SND1: variants seen among roughly 807,000 people sequenced by gnomAD.
SND1 encodes the protein staphylococcal nuclease and tudor domain containing 1, also known as staphylococcal nuclease domain-containing protein 1.
A neutral mutation model predicts 121.7 loss-of-function variants in SND1; 38 were observed. That is an observed-to-expected ratio of 0.31 (90% CI 0.24 to 0.41). The LOEUF is 0.41. SND1 is among the 10% of genes least tolerant of loss of function. SND1 has a pLI of 1.00. For missense variants in SND1, 868 were observed against 1,184.6 expected, an observed-to-expected ratio of 0.73 and a Z score of 3.92; for synonymous variants, 401 against 447.4, an observed-to-expected ratio of 0.90 and a Z score of 1.31.
chr7:127,986,079 A>C (rs115648802), intron 15 of SND1, among the ~76,000 whole-genome samples: 3 of 152,298 alleles, frequency 2.0e-5, no homozygotes, highest in African/African-American at 7.2e-5. Context: ...GGAAAAAGTG[A>C]ACACATTCTG....
chr7:127,850,083 A>T (rs17151437), intron 12 of SND1, among the ~76,000 whole-genome samples: 1 of 152,194 alleles, frequency 6.6e-6, no homozygotes, highest in Admixed American at 6.5e-5. Flanking sequence ...CTTTGGTTCT[A>T]ATTTGCAGGG....
chr7:128,002,952 G>T (rs1409373223), intron 16 of SND1, among the ~76,000 whole-genome samples: 1 of 152,256 alleles, frequency 6.6e-6, no homozygotes, highest in Non-Finnish European at 1.5e-5. Context: ...GCTGGGCACA[G>T]TGGCTCACAC....
intron 10 of SND1, among the ~76,000 whole-genome samples, chr7:127,782,348 T>C (rs1260229979): frequency 6.6e-6 from 1 of 152,202 alleles, no homozygotes; most frequent in Non-Finnish European, 1.5e-5. Context: ...AAAGCAGTCC[T>C]GGGGTCCTGC....
At chr7:127,799,126 G>T (rs145041228) in intron 10 of SND1, among the ~76,000 whole-genome samples, 1 of 152,284 alleles carries the variant, frequency 6.6e-6, no homozygotes, top group Non-Finnish European at 1.5e-5. Context: ...TTGGTAGTCT[G>T]CATGGTTATA....
At chr7:127,676,050 T>G (rs932780844) in intron 1 of SND1, among the ~76,000 whole-genome samples, 15 of 152,214 alleles carry the variant, frequency 9.9e-5, no homozygotes, top group Non-Finnish European at 2.1e-4. Context: ...GCTACAGTCT[T>G]GATTGTGTTC....
chr7:127,711,253 A>G (rs774755227), intron 9 of SND1, among the ~76,000 whole-genome samples: 20 of 152,288 alleles, frequency 1.3e-4, no homozygotes, highest in African/African-American at 4.3e-4. Context: ...ATAATTTGCA[A>G]CTTTGTTTTA....
chr7:127,783,970 A>G (rs1416339085), intron 10 of SND1, among the ~76,000 whole-genome samples: 1 of 152,236 alleles, frequency 6.6e-6, no homozygotes, highest in African/African-American at 2.4e-5. Context: ...ATATTCATGG[A>G]TTAATGTTAC....
At chr7:127,787,562 A>G (rs908522318) in intron 10 of SND1, among the ~76,000 whole-genome samples, 5 of 152,138 alleles carry the variant, frequency 3.3e-5, no homozygotes, top group African/African-American at 1.2e-4. Flanking sequence ...GAATCTGTTG[A>G]TTTGTGTTGA....
At chr7:128,044,806 C>T (rs994661570) in intron 16 of SND1, among the ~76,000 whole-genome samples, 3 of 152,062 alleles carry the variant, frequency 2.0e-5, no homozygotes, top group Non-Finnish European at 4.4e-5. Context: ...CCAGATAGTT[C>T]ATATGGAGTA....
At chr7:127,675,468 A>G (rs999399456) in intron 1 of SND1, among the ~76,000 whole-genome samples, 1 of 152,168 alleles carries the variant, frequency 6.6e-6, no homozygotes, top group Non-Finnish European at 1.5e-5. Context: ...AATAATATGT[A>G]GTAGTTAATC....
chr7:127,897,854 G>A (rs189783543), intron 13 of SND1, among the ~76,000 whole-genome samples: 378 of 152,088 alleles, frequency 2.5e-3, no homozygotes, highest in South Asian at 4.4e-3. Flanking sequence ...CTTGAAATAG[G>A]ATTATGAGTC....
Position 128,029,945 on chromosome 7 carries a change from C to G in SND1, c.1779+38889C>G. ...GGCCATGGAAGGAGCCAGGCCTGAT[C>G]TCAGGGAAGTGGTTCCCTGACATCT... On this transcript the variant is annotated intron_variant, in intron 16 of 23. Transcript: ENST00000354725. This position sits in a 1 kb window ranked among gnomAD's most constrained non-coding sequence, Gnocchi z 4.2. The G allele has an allele frequency of 1.9e-6, 3 of 1,613,186 alleles. No individual in the cohort carries two copies. The highest frequency in any genetic ancestry group is 2.5e-6 in the Non-Finnish European group (3 of 1,180,028).
chr7:127,988,235 C>G lies in SND1; in HGVS notation c.1670-2712C>G, dbSNP rs186631533. Among the ~76,000 whole-genome samples the G allele has an allele frequency of 2.6e-3, 401 of 152,280 alleles. 4 individuals carry two copies. The highest frequency in any genetic ancestry group is 0.01 in the Middle Eastern group (3 of 294). ...ACTCAGACATTCAGATATCATAAAG[C>G]CTGTCCTGCTCTCCTGGCCCTGACT... On this transcript the variant is annotated intron_variant, in intron 15 of 23. Transcript: ENST00000354725.
At chr7:127,736,576 C>G (rs528618182) in intron 10 of SND1, among the ~76,000 whole-genome samples, 2 of 152,198 alleles carry the variant, frequency 1.3e-5, no homozygotes, top group African/African-American at 2.4e-5. Flanking sequence ...AGAGGTAGCT[C>G]TTAGGTAAGT....
At position 128,085,175 on chromosome 7, in the gene SND1, C is replaced by T. The variant is rs542049967; in HGVS notation, c.2234+328C>T. On this transcript the variant is annotated intron_variant, in intron 19 of 23. Transcript: ENST00000354725. The surrounding 1 kb of genome is among the most constrained non-coding windows in gnomAD (Gnocchi z 4.4). ...ACCCCACCCAGGAAGAATGATGTTA[C>T]AGGGGGCTGAGGTAGAGGCTGGGCT... is the stretch of plus-strand genomic sequence containing the variant. Among the ~76,000 whole-genome samples, 15 of 152,276 alleles carry T rather than the reference C, an allele frequency of 9.9e-5. No individual in the cohort carries two copies. Among genetic ancestry groups the T allele is most frequent in the African/African-American group, 3.6e-4 (15 of 41,582 alleles).
At chr7:127,675,132 T>G (rs1292926689) in intron 1 of SND1, among the ~76,000 whole-genome samples, 1 of 152,146 alleles carries the variant, frequency 6.6e-6, no homozygotes, top group East Asian at 1.9e-4. Context: ...GCCTGGAAGG[T>G]GGAGATTGCA....
chr7:128,020,131 G>A (rs1394370821), intron 16 of SND1, among the ~76,000 whole-genome samples: 2 of 152,222 alleles, frequency 1.3e-5, no homozygotes, highest in East Asian at 3.9e-4. Flanking sequence ...ATTAGCCATG[G>A]GGCTGCCATC....
At chr7:127,969,670 G>C (rs1368323403) in intron 15 of SND1, among the ~76,000 whole-genome samples, 3 of 152,212 alleles carry the variant, frequency 2.0e-5, no homozygotes, top group African/African-American at 7.2e-5. Context: ...GGAGCTTGCA[G>C]TGAGCTGAGA....
At chr7:127,682,704 ATAT>A (rs1795748912) in intron 1 of SND1, among the ~76,000 whole-genome samples, 1 of 152,184 alleles carries the variant, frequency 6.6e-6, no homozygotes, top group African/African-American at 2.4e-5. Flanking sequence ...GGTAAACAAC[ATAT>A]TATACTTACA....
Sources: allele counts gnomAD v4.1 joint callset (sites outside exome capture counted in the v4.1 genomes callset), GRCh38; gene constraint gnomAD v4.1.1; non-coding constraint Gnocchi (gnomAD v3.1); transcripts MANE v1.5; gene names NCBI Gene and HGNC (gene_info 2026-07-23, HGNC 2026-07-21).